Variants in TICRR observed in about 807,000 individuals in gnomAD.
TICRR encodes TOPBP1 interacting checkpoint and replication regulator.
TICRR carries 132 observed loss-of-function variants against 178.1 expected under a neutral mutation model. The ratio of observed to expected loss-of-function variants is 0.74; its 90% CI spans 0.64 to 0.86. TICRR has a LOEUF of 0.86. TICRR is among the 40% of genes least tolerant of loss of function. TICRR has a pLI of 0.00. For missense variants in TICRR, 2,587 were observed against 2,334.3 expected (o/e 1.11, Z -2.23); for synonymous variants, 991 against 900.7 (o/e 1.10, Z -1.79).
rs765341503 is a variant in TICRR at position 89,592,184 on chromosome 15, G to A, written c.1541+8G>A. The A allele has an allele frequency of 1.4e-5, 23 of 1,608,950 alleles. No homozygotes were observed. The highest frequency in any genetic ancestry group is 1.7e-4 in the Middle Eastern group (1 of 6,060). On this transcript the variant is annotated splice_region_variant and intron_variant, in intron 5 of 21. Transcript: ENST00000268138. ...TTTGATGGAGTCATTTGGGTAAAAC[G>A]TTTTTATATCTCTTGAATATTGATT...
intron 13 of TICRR, among the ~76,000 whole-genome samples, chr15:89,603,623 AG>A (rs1292545785): frequency 6.6e-6 from 1 of 152,224 alleles, no homozygotes; most frequent in Non-Finnish European, 1.5e-5. Context: ...ATGAATAACA[AG>A]TTTTTTGAAA....
At chr15:89,618,521 T>G (rs1000810977) in intron 17 of TICRR, among the ~76,000 whole-genome samples, 4 of 152,250 alleles carry the variant, frequency 2.6e-5, no homozygotes, top group African/African-American at 9.6e-5. Context: ...TCACTACATA[T>G]TTTTTCAAGA....
intron 9 of TICRR, among the ~76,000 whole-genome samples, chr15:89,601,054 A>AAC (rs1963086398): frequency 6.7e-6 from 1 of 149,390 alleles, no homozygotes. Flanking sequence ...TCAGGAAAAA[A>AAC]AAAAAAAAAA....
rs749135788 is a variant in TICRR at position 89,575,646 on chromosome 15, C to T, written c.60C>T (p.His20=). ...ACACCGCGGGCGGCGCCGCCCGCCA[C>T]AGCCGGGTCCGGCGGGCCGCCCTGC... ...LLDTAGGAAR[H]SRVRRAALRL... Residue 20 remains histidine, a synonymous_variant, in exon 1 of 22, where the codon CAC becomes CAT. Transcript: ENST00000268138. 3.3e-5 allele frequency: 52 copies of T among 1,566,500 alleles called. No homozygotes were observed. In the African/African-American group the frequency reaches 6.4e-4, roughly 19 times the overall value.
At chr15:89,599,258 T>C in intron 7 of TICRR, 66 bp from the exon 8 acceptor site, 1 of 1,119,086 alleles carries the variant, frequency 8.9e-7, no homozygotes, top group Non-Finnish European at 1.2e-6. Flanking sequence ...GGACAACAAC[T>C]GGCCTAAGTA....
rs373847966 is a variant in TICRR, at chr15:89,587,329, C to T, written c.1411+1387C>T. On this transcript the variant is annotated intron_variant, in intron 4 of 21. Transcript: ENST00000268138. The stretch of plus-strand genomic sequence containing the variant: ...ACATCCACACATGGTATTGAGTAGG[C>T]ATCAACTATGCATGTTTGAGTTTGG... 2.2e-4 allele frequency among the ~76,000 whole-genome samples: 34 copies of T among 152,130 alleles called. No homozygotes were observed. In the East Asian group the frequency reaches 5.8e-3, roughly 26 times the overall value.
intron 17 of TICRR, among the ~76,000 whole-genome samples, 200 bp from the exon 18 acceptor site, chr15:89,619,508 T>C (rs1479132447): frequency 2.0e-5 from 3 of 152,200 alleles, no homozygotes; most frequent in Non-Finnish European, 4.4e-5. Flanking sequence ...GTCAGTGTTT[T>C]TTTAATACCT....
intron 7 of TICRR, among the ~76,000 whole-genome samples, chr15:89,598,643 C>T (rs117557703): frequency 0.026 from 3,839 of 150,110 alleles, 92 homozygotes; most frequent in Non-Finnish European, 0.039. Flanking sequence ...GGATTACAGA[C>T]GTGAGCCACC....
chr15:89,583,594 C>T (rs1210243792), intron 2 of TICRR, among the ~76,000 whole-genome samples: 2 of 152,156 alleles, frequency 1.3e-5, no homozygotes, highest in Admixed American at 6.5e-5. Context: ...ATTTAACCTC[C>T]TCATAAGATA....
intron 7 of TICRR, among the ~76,000 whole-genome samples, 174 bp downstream of exon 7, chr15:89,595,785 T>C (rs901905929): frequency 6.6e-6 from 1 of 151,970 alleles, no homozygotes; most frequent in Non-Finnish European, 1.5e-5. Context: ...GCTACAAAGA[T>C]AAGGGAGGCG....
Position 89,583,032 on chromosome 15 carries a change from GC to G in TICRR, c.934+68del, listed in dbSNP as rs1402764943. On this transcript the variant is annotated intron_variant, in intron 2 of 21. Coordinates refer to ENST00000268138, the MANE Select transcript of TICRR (RefSeq NM_152259.4). ...CAGTTACATTAATTTCTTCAAAGAA[GC>G]TTTTAACTTCTTTGGCATTTCTCAC... 4.8e-6 allele frequency: 7 copies of G among 1,465,146 alleles called. No homozygotes were observed. In the Admixed American group the frequency reaches 1.7e-4, roughly 35 times the overall value. The allele number at this position is 1,465,146 out of a possible 1,614,324, so 90.8% of individuals were successfully genotyped here. A position where few individuals can be genotyped will look rare whatever the true frequency, so the allele number is the denominator to read the frequency against.
intron 19 of TICRR, among the ~76,000 whole-genome samples, chr15:89,623,074 G>A (rs557172459): frequency 2.0e-5 from 3 of 152,334 alleles, no homozygotes; most frequent in African/African-American, 7.2e-5. Flanking sequence ...TTTTCACTAC[G>A]TATTTTTGCA....
intron 1 of TICRR, among the ~76,000 whole-genome samples, chr15:89,578,317 T>G (rs906381245): frequency 1.3e-5 from 2 of 152,130 alleles, no homozygotes; most frequent in African/African-American, 4.8e-5. Flanking sequence ...ATGTTAAAAT[T>G]TTCAAAGTGC....
intron 15 of TICRR, among the ~76,000 whole-genome samples, chr15:89,614,070 C>T (rs544290563): frequency 1.2e-4 from 18 of 152,002 alleles, no homozygotes; most frequent in South Asian, 4.2e-4. Flanking sequence ...AGGAGAATGG[C>T]GTGAACCCAG....
chr15:89,624,534 T>C lies in TICRR; in HGVS notation c.4224T>C (p.Val1408=). Residue 1408 remains valine (V), a synonymous_variant, in exon 20 of 22, where the codon GTT becomes GTC. Coordinates refer to ENST00000268138, the MANE Select transcript of TICRR (RefSeq NM_152259.4). ...CTGATGCCTCCGCTACTCCTGGGGT[T>C]GGCACAGCTGACAGCCCAGCTGCCC... ...CQPDASATPG[V]GTADSPAAPT... is the part of the protein sequence containing the mutation. 1 of 1,613,900 alleles carries C rather than the reference T, an allele frequency of 6.2e-7. No homozygotes were observed. The highest frequency in any genetic ancestry group is 8.5e-7 in the Non-Finnish European group (1 of 1,179,934).
chr15:89,584,361 C>G lies in TICRR; in HGVS notation c.1010C>G (p.Pro337Arg). The G allele has an allele frequency of 6.2e-7, 1 of 1,614,136 alleles. No homozygotes were observed. Among genetic ancestry groups the G allele is most frequent in the Non-Finnish European group, 8.5e-7 (1 of 1,180,026 alleles). The part of the protein sequence containing the change: ...LAMHQRHFQK[P>R]VRIFLKGSVA... Reference sequence around the variant, plus strand: ...ATGCATCAGAGACATTTTCAGAAACCAGTCAGAATTTTTCTAAAAGGCTCA... The same window carrying G: ...ATGCATCAGAGACATTTTCAGAAACGAGTCAGAATTTTTCTAAAAGGCTCA... Residue 337 changes from proline to arginine, a missense_variant, in exon 3 of 22, where the codon CCA becomes CGA. Physicochemically the swap from Pro to Arg is moderately radical, Grantham distance 103. Coordinates refer to ENST00000268138, the MANE Select transcript of TICRR (RefSeq NM_152259.4).
chr15:89,578,767 T>C (rs1371176107), intron 1 of TICRR, among the ~76,000 whole-genome samples: 1 of 152,254 alleles, frequency 6.6e-6, no homozygotes, highest in African/African-American at 2.4e-5. Flanking sequence ...CTCTGAGGCT[T>C]CCCTTCTTAC....
intron 9 of TICRR, 86 bp downstream of exon 9, chr15:89,600,771 A>G (rs1405721370): frequency 4.8e-6 from 3 of 627,814 alleles, no homozygotes; most frequent in African/African-American, 3.8e-5. Context: ...TGTTCGTGAC[A>G]TGGTGGCTCA....
Position 89,625,739 on chromosome 15 carries a change from G to C in TICRR, c.5429G>C (p.Ser1810Thr). Reference protein sequence around the residue: ...SKSKEGSPSWSAWQLPSTGDE... With the variant: ...SKSKEGSPSWTAWQLPSTGDE... ...AGTAAAGAGGGGTCTCCAAGTTGGA[G>C]TGCATGGCAGCTACCCTCCACGGGA... The change falls in exon 20 of 22, where the codon AGT becomes ACT. Residue 1810 changes from serine (S) to threonine (T), a missense_variant. Ser to Thr is a moderately conservative substitution (Grantham distance 58). Coordinates refer to ENST00000268138, the MANE Select transcript of TICRR (RefSeq NM_152259.4). 1.2e-6 allele frequency: 2 copies of C among 1,612,990 alleles called. No individual in the cohort carries two copies. Among genetic ancestry groups the C allele is most frequent in the Non-Finnish European group, 1.7e-6 (2 of 1,179,772 alleles).
Sources: gnomAD v4.1 joint callset for allele counts (sites outside exome capture counted in the v4.1 genomes callset) on GRCh38, gnomAD v4.1.1 for gene constraint, MANE v1.5 for transcripts, NCBI Gene and HGNC (gene_info 2026-07-23, HGNC 2026-07-21) for gene names.